TMEM218: variants seen among roughly 807,000 people sequenced by gnomAD.
TMEM218 encodes transmembrane protein 218.
Under a neutral mutation model 10.0 loss-of-function variants are expected in TMEM218, and 8 were observed. That is an observed-to-expected ratio of 0.80 (90% CI 0.47 to 1.44). The LOEUF is 1.44. Among genes scored for constraint, TMEM218 ranks in the 40% most tolerant of loss-of-function variants. The pLI is 0.00. For synonymous variants in TMEM218, 66 were observed against 63.5 expected (o/e 1.04, Z -0.18); for missense variants, 110 against 140.1 (o/e 0.79, Z 1.08).
Position 125,102,225 on chromosome 11 carries a change from A to G in TMEM218, c.17T>C (p.Leu6Pro). The change falls in exon 3 of 5, where the codon CTC becomes CCC. Residue 6 changes from leucine (L) to proline (P), a missense_variant. Coordinates refer to ENST00000682305, the MANE Select transcript of TMEM218 (RefSeq NM_001258244.2). Reference protein sequence around the residue: MAGTVLGVGAGVFILA... With the variant: MAGTVPGVGAGVFILA... ...GATGAACACGCCCGCACCGACTCCG[A>G]GCACAGTGCCAGCCATCCCGCGGGG... The G allele has an allele frequency of 6.2e-7, 1 of 1,613,078 alleles. No homozygotes were observed. Among genetic ancestry groups the G allele is most frequent in the Non-Finnish European group, 8.5e-7 (1 of 1,179,572 alleles).
chr11:125,100,988 T>A (rs377742785), intron 4 of TMEM218, among the ~76,000 whole-genome samples: 6 of 151,986 alleles, frequency 3.9e-5, no homozygotes, highest in African/African-American at 1.4e-4. Context: ...CCTGGTGGGG[T>A]TGTAGATGGA....
intron 4 of TMEM218, among the ~76,000 whole-genome samples, chr11:125,099,455 C>G (rs1950277073): frequency 6.6e-6 from 1 of 152,198 alleles, no homozygotes; most frequent in Admixed American, 6.5e-5. Context: ...TTCTGCCGGC[C>G]ATGCTGACAA....
intron 4 of TMEM218, among the ~76,000 whole-genome samples, chr11:125,100,906 G>A (rs752662008): frequency 3.9e-5 from 6 of 152,118 alleles, no homozygotes; most frequent in Non-Finnish European, 5.9e-5. Flanking sequence ...CCCATGGTAC[G>A]AGGTGGCTTT....
intron 1 of TMEM218, among the ~76,000 whole-genome samples, chr11:125,111,305 T>C (rs1005480303): frequency 2.0e-5 from 3 of 152,166 alleles, no homozygotes; most frequent in African/African-American, 4.8e-5. Flanking sequence ...AAGGTCTCGG[T>C]CATAAGAGAT....
At chr11:125,101,091 T>C (rs1294111949) in intron 4 of TMEM218, 110 bp downstream of exon 4, 7 of 833,850 alleles carry the variant, frequency 8.4e-6, no homozygotes, top group Non-Finnish European at 1.3e-5. Context: ...TTTACAATTC[T>C]GACATCTCAG....
chr11:125,102,641 G>A, intron 2 of TMEM218, 93 bp downstream of exon 2: 1 of 1,296,332 alleles, frequency 7.7e-7, no homozygotes, highest in Non-Finnish European at 1.0e-6. Flanking sequence ...CCCTACCTAA[G>A]AACTGGTAGA....
chr11:125,107,509 T>C (rs1952498083), intron 1 of TMEM218, among the ~76,000 whole-genome samples: 1 of 152,178 alleles, frequency 6.6e-6, no homozygotes, highest in Non-Finnish European at 1.5e-5. Context: ...TTACTGTTTG[T>C]ATTTTCAGTG....
Position 125,100,027 on chromosome 11 carries a change from T to C in TMEM218, c.213+1174A>G, listed in dbSNP as rs149648217. On this transcript the variant is annotated intron_variant, in intron 4 of 4. Coordinates refer to ENST00000682305, the MANE Select transcript of TMEM218 (RefSeq NM_001258244.2). The stretch of plus-strand genomic sequence containing the variant: ...GTTTTCCAAATACTGACAACAAACT[T>C]GTGTCCATGGAAATAATTCCTTAAG... Among the ~76,000 whole-genome samples the C allele has an allele frequency of 8.3e-4, 126 of 152,272 alleles. 1 individual carries two copies. Among genetic ancestry groups the C allele is most frequent in the African/African-American group, 3.0e-3 (123 of 41,542 alleles).
intron 1 of TMEM218, among the ~76,000 whole-genome samples, chr11:125,107,297 T>G (rs1255640964): frequency 6.6e-6 from 1 of 152,168 alleles, no homozygotes. Context: ...TATCTAACCA[T>G]GCACTTAGGA....
At chr11:125,101,702 C>T in intron 3 of TMEM218, 1 of 548,342 alleles carries the variant, frequency 1.8e-6, no homozygotes, top group Non-Finnish European at 3.1e-6. Context: ...CTAGTGTTTT[C>T]AGAGTCGGTT....
At position 125,104,114 on chromosome 11, in the gene TMEM218, T is replaced by C. The variant is rs2135834480; in HGVS notation, c.-152-1305A>G. Reference sequence around the variant, plus strand: ...AAGCGAAGTGCAGTGGGAACTGCAATAGTGAGAGGGGCTTTACAAAGGAAA... The same window carrying C: ...AAGCGAAGTGCAGTGGGAACTGCAACAGTGAGAGGGGCTTTACAAAGGAAA... On this transcript the variant is annotated intron_variant, in intron 1 of 4. Coordinates refer to ENST00000682305, the MANE Select transcript of TMEM218 (RefSeq NM_001258244.2). 1.3e-5 allele frequency: 2 copies of C among 152,316 alleles called. 1 individual carries two copies. The highest frequency in any genetic ancestry group is 4.1e-4 in the South Asian group (2 of 4,826). The allele number at this position is 152,316 out of a possible 1,614,324, so 9.4% of individuals were successfully genotyped here.
At chr11:125,103,949 A>G (rs1212050606) in intron 1 of TMEM218, 2 of 152,246 alleles carry the variant, frequency 1.3e-5, no homozygotes, top group Admixed American at 6.5e-5. Context: ...AACATTTATG[A>G]TGTTCCCACC....
chr11:125,101,627 A>G (rs892308358), intron 3 of TMEM218: 63 of 697,586 alleles, frequency 9.0e-5, no homozygotes, highest in Admixed American at 1.6e-4. Flanking sequence ...TTTTTAGAAC[A>G]GAATACTTTA....
At position 125,102,134 on chromosome 11, in the gene TMEM218, C is replaced by T. The variant is rs762007372; in HGVS notation, c.108G>A (p.Ala36=). The T allele has an allele frequency of 1.5e-5, 23 of 1,552,840 alleles. No homozygotes were observed. Among genetic ancestry groups the T allele is most frequent in the South Asian group, 4.8e-5 (4 of 82,564 alleles). Residue 36 remains alanine, a splice_region_variant and synonymous_variant, in exon 3 of 5, where the codon GCG becomes GCA. Coordinates refer to ENST00000682305, the MANE Select transcript of TMEM218 (RefSeq NM_001258244.2). ...CVLLSRASGA[A]RFSVIFLFFG... Reference sequence around the variant, plus strand: ...CCCAGTTGGACAGAATGCCTTACCTCGCCGCCCCGGAGGCTCTGGACAGCA... The same window carrying T: ...CCCAGTTGGACAGAATGCCTTACCTTGCCGCCCCGGAGGCTCTGGACAGCA...
At position 125,108,662 on chromosome 11, in the gene TMEM218, A is replaced by G. The variant is rs1349480441; in HGVS notation, c.-153+2877T>C. On this transcript the variant is annotated intron_variant, in intron 1 of 4. Transcript: ENST00000682305. This position sits in a 1 kb window ranked among gnomAD's most constrained non-coding sequence, Gnocchi z 5.3. ...ACTCTTGTTAAAGTTCCAAACCACA[A>G]ATAAGTATAATTTTCCTCTGATTTA... 5.3e-5 allele frequency among the ~76,000 whole-genome samples: 8 copies of G among 152,242 alleles called. No homozygotes were observed. The highest frequency in any genetic ancestry group is 7.4e-5 in the Non-Finnish European group (5 of 68,026).
Position 125,102,129 on chromosome 11 carries a change from TA to T in TMEM218, c.110+2del, listed in dbSNP as rs1413342872. The T allele has an allele frequency of 1.3e-6, 2 of 1,548,974 alleles. No homozygotes were observed. Among genetic ancestry groups the T allele is most frequent in the Admixed American group, 4.4e-5 (2 of 45,344 alleles). On this transcript the variant is annotated splice_donor_variant, in intron 3 of 4. Coordinates refer to ENST00000682305, the MANE Select transcript of TMEM218 (RefSeq NM_001258244.2). LOFTEE classifies it high-confidence loss of function. ...GGACTCCCAGTTGGACAGAATGCCT[TA>T]CCTCGCCGCCCCGGAGGCTCTGGAC...
intron 2 of TMEM218, chr11:125,102,533 T>A: frequency 7.1e-7 from 1 of 1,415,558 alleles, no homozygotes; most frequent in South Asian, 1.2e-5. Flanking sequence ...GCTCAGAAGT[T>A]TTTTCTGAGT....
intron 1 of TMEM218, chr11:125,105,034 C>G (rs556774726): frequency 6.6e-6 from 1 of 152,288 alleles, no homozygotes; most frequent in Admixed American, 6.5e-5. Context: ...TGGCAAAGAA[C>G]TAGCAATGAG....
chr11:125,109,795 C>T (rs1486089916), intron 1 of TMEM218, among the ~76,000 whole-genome samples: 2 of 152,202 alleles, frequency 1.3e-5, no homozygotes, highest in Non-Finnish European at 2.9e-5. Context: ...TTAATTTGTG[C>T]TATTCTGGAT....
Sources: gnomAD v4.1 joint callset for allele counts (sites outside exome capture counted in the v4.1 genomes callset) on GRCh38, gnomAD v4.1.1 for gene constraint, Gnocchi (gnomAD v3.1) non-coding constraint, MANE v1.5 for transcripts, NCBI Gene and HGNC (gene_info 2026-07-23, HGNC 2026-07-21) for gene names.